Variants in CLUL1 observed in about 807,000 individuals in gnomAD.
The protein encoded by CLUL1 is clusterin like 1, also known as clusterin-like protein 1.
A neutral mutation model predicts 49.4 loss-of-function variants in CLUL1; 43 were observed. The ratio of observed to expected loss-of-function variants is 0.87; its 90% CI spans 0.68 to 1.12. CLUL1 has a LOEUF of 1.12. CLUL1 is among the 50% of genes most tolerant of loss of function. The pLI, the probability that CLUL1 is intolerant of heterozygous loss-of-function variation, is 0.00. For missense variants in CLUL1, 486 were observed against 544.4 expected, an observed-to-expected ratio of 0.89 and a Z score of 1.07; for synonymous variants, 192 against 184.9, an observed-to-expected ratio of 1.04 and a Z score of -0.31.
In CLUL1 at chr18:635,789, T is replaced by G. The variant is rs142476094; in HGVS notation, c.994+2354T>G. Among the ~76,000 whole-genome samples, 1,237 of 152,146 alleles carry G rather than the reference T, an allele frequency of 8.1e-3. 10 individuals are homozygous for G. Among genetic ancestry groups the G allele is most frequent in the Non-Finnish European group, 0.013 (877 of 67,994 alleles). ...ACCGTTTCTGTCGCCCAGGCTGGAG[T>G]GCAGTGGCGCGATCTTCGCTCACTG... On this transcript the variant is annotated intron_variant, in intron 7 of 9. Transcript: ENST00000692774.
chr18:645,806 AAAAAATAT>A (rs1235133651), intron 9 of CLUL1, among the ~76,000 whole-genome samples: 11 of 51,836 alleles, frequency 2.1e-4, no homozygotes, highest in African/African-American at 5.9e-4. Flanking sequence ...AAAAAAAAAA[AAAAAATAT>A]ATATATATAT....
chr18:602,887 G>A (rs2072871727), intron 1 of CLUL1, among the ~76,000 whole-genome samples: 1 of 152,210 alleles, frequency 6.6e-6, no homozygotes, highest in South Asian at 2.1e-4. Context: ...GGAAGCTAGA[G>A]GTGGAGTGGA....
chr18:631,444 A>G (rs1354023703), intron 6 of CLUL1, among the ~76,000 whole-genome samples: 1 of 152,172 alleles, frequency 6.6e-6, no homozygotes, highest in East Asian at 1.9e-4. Flanking sequence ...CGTGGGAGAA[A>G]CAGACAGGCA....
intron 4 of CLUL1, among the ~76,000 whole-genome samples, chr18:620,846 C>A (rs2073470271): frequency 6.6e-6 from 1 of 152,138 alleles, no homozygotes; most frequent in Admixed American, 6.5e-5. Flanking sequence ...TAATTAACAT[C>A]ACACTCAAAA....
chr18:628,525 A>G (rs986184254), intron 6 of CLUL1, among the ~76,000 whole-genome samples: 1 of 152,198 alleles, frequency 6.6e-6, no homozygotes, highest in African/African-American at 2.4e-5. Context: ...GGTCAAGTGT[A>G]GGATCTGCAT....
rs1344962460 is a variant in CLUL1, at chr18:597,138, A to T, written c.-136+9A>T. ...CATCTTAGGAATGACAGGTGAGAAC[A>T]TCCTCCGGGCCCCAGATTTCTCTCC... is the stretch of plus-strand genomic sequence containing the variant. On this transcript the variant is annotated intron_variant, in intron 1 of 9. Coordinates refer to ENST00000692774, the MANE Select transcript of CLUL1 (RefSeq NM_001393344.1). 6.5e-6 allele frequency: 1 copy of T among 152,812 alleles called. No individual in the cohort carries two copies. Among genetic ancestry groups the T allele is most frequent in the Admixed American group, 6.5e-5 (1 of 15,282 alleles). 9.5% of individuals were successfully genotyped at this position (152,812 alleles called of 1,614,324 possible). A position where few individuals can be genotyped will look rare whatever the true frequency, so the allele number is the denominator to read the frequency against.
intron 8 of CLUL1, among the ~76,000 whole-genome samples, chr18:642,890 GCTT>G (rs1406464522): frequency 6.6e-6 from 1 of 152,168 alleles, no homozygotes; most frequent in Non-Finnish European, 1.5e-5. Flanking sequence ...TCCTTGCTTA[GCTT>G]CTTTCACTTC....
At chr18:602,331 T>C in intron 1 of CLUL1, among the ~76,000 whole-genome samples, 1 of 152,136 alleles carries the variant, frequency 6.6e-6, no homozygotes, top group East Asian at 1.9e-4. Flanking sequence ...TCCAGATCTA[T>C]TCTCTATTTC....
rs1438352583 is a variant in CLUL1 at position 606,691 on chromosome 18, A to G, written c.-135-287A>G. On this transcript the variant is annotated intron_variant, in intron 1 of 9. Transcript: ENST00000692774. The surrounding 1 kb of genome is among the most constrained non-coding windows in gnomAD (Gnocchi z 4.1). ...AGGCTATTGGAGTCTTCTCAAATGA[A>G]AGAGATTTTATCAAAGGCTTGGAGA... is the stretch of plus-strand genomic sequence containing the variant. Among the ~76,000 whole-genome samples, 2 of 152,216 alleles carry G rather than the reference A, an allele frequency of 1.3e-5. No individual in the cohort carries two copies. The highest frequency in any genetic ancestry group is 2.9e-5 in the Non-Finnish European group (2 of 68,026).
chr18:644,351 A>C (rs891556286), intron 8 of CLUL1, among the ~76,000 whole-genome samples: 1 of 152,232 alleles, frequency 6.6e-6, no homozygotes, highest in African/African-American at 2.4e-5. Context: ...GAGTAACATA[A>C]ATTTTGCATT....
chr18:648,953 G>T (rs1399744999), intron 9 of CLUL1, among the ~76,000 whole-genome samples: 7 of 152,040 alleles, frequency 4.6e-5, no homozygotes, highest in Non-Finnish European at 8.8e-5. Context: ...CCACTGCCTG[G>T]CCTGGCATTT....
rs572367593 is a variant in CLUL1 at position 606,366 on chromosome 18, C to T, written c.-135-612C>T. Among the ~76,000 whole-genome samples, 1 of 152,338 alleles carries T rather than the reference C, an allele frequency of 6.6e-6. No individual in the cohort carries two copies. Among genetic ancestry groups the T allele is most frequent in the Admixed American group, 6.5e-5 (1 of 15,298 alleles). ...CAGGGCAGGAAACGATTTTCCATGT[C>T]ACCAACCTTTCTCTGAGGGAACCTA... On this transcript the variant is annotated intron_variant, in intron 1 of 9. Transcript: ENST00000692774. This position sits in a 1 kb window ranked among gnomAD's most constrained non-coding sequence, Gnocchi z 4.1.
chr18:599,702 G>T (rs184842072), intron 1 of CLUL1, among the ~76,000 whole-genome samples: 57 of 152,204 alleles, frequency 3.7e-4, no homozygotes, highest in African/African-American at 1.4e-3. Context: ...GGAAGCTGAG[G>T]TGGGTAGATC....
chr18:633,189 A>G (rs2074036107), intron 6 of CLUL1, 109 bp from the exon 7 acceptor site: 1 of 832,892 alleles, frequency 1.2e-6, no homozygotes, highest in Non-Finnish European at 1.8e-6. Flanking sequence ...ACATACATAT[A>G]GGAAAAAGAT....
rs1241393299 is a variant in CLUL1 at position 606,589 on chromosome 18, T to C, written c.-135-389T>C. On this transcript the variant is annotated intron_variant, in intron 1 of 9. Transcript: ENST00000692774. This position sits in a 1 kb window ranked among gnomAD's most constrained non-coding sequence, Gnocchi z 4.1. Reference sequence around the variant, plus strand: ...AGGAGAAGCCAAAACATCAGTCAGCTTCCCAGTAATCAAGCCTGGCTTTCT... The same window carrying C: ...AGGAGAAGCCAAAACATCAGTCAGCCTCCCAGTAATCAAGCCTGGCTTTCT... 6.6e-6 allele frequency among the ~76,000 whole-genome samples: 1 copy of C among 152,182 alleles called. No homozygotes were observed. Among genetic ancestry groups the C allele is most frequent in the Non-Finnish European group, 1.5e-5 (1 of 68,038 alleles).
At chr18:641,273 A>G in intron 7 of CLUL1, 54 bp from the exon 8 acceptor site, 5 of 1,505,330 alleles carry the variant, frequency 3.3e-6, no homozygotes, top group African/African-American at 1.4e-5. Context: ...CATGTTGCCC[A>G]CCTCCAAGTT....
chr18:647,446 C>T (rs928023289), intron 9 of CLUL1, among the ~76,000 whole-genome samples: 1 of 152,138 alleles, frequency 6.6e-6, no homozygotes, highest in Non-Finnish European at 1.5e-5. Context: ...GGAAGCTGGA[C>T]GTCTATGCCC....
At chr18:602,375 G>C (rs2072858003) in intron 1 of CLUL1, among the ~76,000 whole-genome samples, 1 of 152,038 alleles carries the variant, frequency 6.6e-6, no homozygotes, top group South Asian at 2.1e-4. Flanking sequence ...AGGGGGGCTG[G>C]ATCACTGTGG....
intron 1 of CLUL1, among the ~76,000 whole-genome samples, chr18:602,592 T>C (rs2072863530): frequency 6.6e-6 from 1 of 152,214 alleles, no homozygotes; most frequent in African/African-American, 2.4e-5. Context: ...TCCTCTGATG[T>C]GCCTTCTGTT....
Sources: allele counts gnomAD v4.1 joint callset (sites outside exome capture counted in the v4.1 genomes callset), GRCh38; gene constraint gnomAD v4.1.1; non-coding constraint Gnocchi (gnomAD v3.1); transcripts MANE v1.5; gene names NCBI Gene and HGNC (gene_info 2026-07-23, HGNC 2026-07-21).